STEAP1B: variants seen among roughly 807,000 people sequenced by gnomAD.
STEAP1B encodes STEAP family member 1B.
Under a neutral mutation model 27.9 loss-of-function variants are expected in STEAP1B, and 13 were observed. The ratio of observed to expected loss-of-function variants is 0.47; its 90% CI spans 0.30 to 0.74. The LOEUF (loss-of-function observed/expected upper bound fraction) is 0.74, where lower values mean the gene tolerates loss of function less well. Ranked by LOEUF, STEAP1B falls within the 30% of genes least tolerant of loss-of-function variation. The pLI is 0.06. For synonymous variants in STEAP1B, 86 were observed against 107.1 expected, an observed-to-expected ratio of 0.80 and a Z score of 1.22; for missense variants, 250 against 298.7, an observed-to-expected ratio of 0.84 and a Z score of 1.20.
intron 4 of STEAP1B, among the ~76,000 whole-genome samples, chr7:22,477,147 C>T (rs1166954850): frequency 2.0e-5 from 3 of 152,180 alleles, no homozygotes; most frequent in African/African-American, 7.2e-5. Context: ...ACTGGTGAGA[C>T]GCAAGTCATG....
At chr7:22,435,743 G>A (rs1045481972) in intron 4 of STEAP1B, among the ~76,000 whole-genome samples, 21 of 152,216 alleles carry the variant, frequency 1.4e-4, no homozygotes, top group African/African-American at 4.6e-4. Context: ...CGTGGGCAGA[G>A]AGGTAAAGAG....
At chr7:22,473,270 T>C (rs964308326) in intron 4 of STEAP1B, among the ~76,000 whole-genome samples, 5 of 152,122 alleles carry the variant, frequency 3.3e-5, no homozygotes, top group African/African-American at 1.2e-4. Context: ...CCTTTCTAGT[T>C]GATCAAGGAT....
intron 4 of STEAP1B, among the ~76,000 whole-genome samples, chr7:22,431,011 T>C (rs764293235): frequency 6.6e-6 from 1 of 152,240 alleles, no homozygotes; most frequent in Non-Finnish European, 1.5e-5. Context: ...CATCCTATGG[T>C]TCTCTGTCTT....
At chr7:22,426,350 T>G (rs1350042594) in intron 4 of STEAP1B, among the ~76,000 whole-genome samples, 2 of 151,638 alleles carry the variant, frequency 1.3e-5, no homozygotes, top group Non-Finnish European at 2.9e-5. Context: ...CAAAAAAAAA[T>G]GAAGTAAAAG....
At chr7:22,424,258 G>A (rs994112822) in intron 4 of STEAP1B, among the ~76,000 whole-genome samples, 3 of 152,028 alleles carry the variant, frequency 2.0e-5, no homozygotes, top group Non-Finnish European at 4.4e-5. Context: ...CTTGCCATAC[G>A]TAAGGCAAAA....
At chr7:22,470,204 TGGTGCA>T (rs1165321161) in intron 4 of STEAP1B, among the ~76,000 whole-genome samples, 1 of 152,134 alleles carries the variant, frequency 6.6e-6, no homozygotes, top group Admixed American at 6.6e-5. Context: ...GAGTATCTTG[TGGTGCA>T]GGAAGTAAAG....
At chr7:22,438,298 T>A (rs1218960378) in intron 4 of STEAP1B, 4 of 616,788 alleles carry the variant, frequency 6.5e-6, no homozygotes, top group Non-Finnish European at 1.1e-5. Flanking sequence ...ATGCTTGGTG[T>A]CCTATGCAGT....
intron 4 of STEAP1B, among the ~76,000 whole-genome samples, chr7:22,441,445 A>G (rs961646164): frequency 1.3e-5 from 2 of 152,220 alleles, no homozygotes; most frequent in African/African-American, 4.8e-5. Flanking sequence ...CCCCATTTAC[A>G]GATGAGAAAA....
At chr7:22,420,893 G>A (rs759249319) in intron 4 of STEAP1B, among the ~76,000 whole-genome samples, 1 of 152,220 alleles carries the variant, frequency 6.6e-6, no homozygotes, top group Admixed American at 6.5e-5. Flanking sequence ...AGAGAATAGG[G>A]AAATTATCCC....
At chr7:22,497,054 C>T (rs1347260436) in intron 1 of STEAP1B, among the ~76,000 whole-genome samples, 1 of 152,206 alleles carries the variant, frequency 6.6e-6, no homozygotes, top group Non-Finnish European at 1.5e-5. Context: ...TGCCCTTCCT[C>T]CCTCCAATGT....
At chr7:22,462,556 C>T (rs28661075) in intron 4 of STEAP1B, among the ~76,000 whole-genome samples, 2,262 of 139,580 alleles carry the variant, frequency 0.016, 79 homozygotes, top group African/African-American at 0.058. Flanking sequence ...ACAAAGGACA[C>T]GAACTCATCA....
intron 4 of STEAP1B, among the ~76,000 whole-genome samples, chr7:22,457,674 G>A (rs1785609805): frequency 6.6e-6 from 1 of 152,204 alleles, no homozygotes; most frequent in Non-Finnish European, 1.5e-5. Context: ...GCCTTCCTAA[G>A]TCACACTTTC....
intron 4 of STEAP1B, among the ~76,000 whole-genome samples, chr7:22,467,581 T>C (rs1042494465): frequency 2.0e-5 from 3 of 152,202 alleles, no homozygotes; most frequent in African/African-American, 7.2e-5. Context: ...TGGGGGCGAT[T>C]CCCCCCATAC....
chr7:22,433,642 G>A (rs1785218345), intron 4 of STEAP1B, among the ~76,000 whole-genome samples: 1 of 152,192 alleles, frequency 6.6e-6, no homozygotes, highest in African/African-American at 2.4e-5. Flanking sequence ...CTATTGGGCA[G>A]GAAAGATTGC....
chr7:22,440,318 T>C (rs1013001886), intron 4 of STEAP1B, among the ~76,000 whole-genome samples: 1 of 152,182 alleles, frequency 6.6e-6, no homozygotes, highest in Admixed American at 6.5e-5. Flanking sequence ...AAATGGAATA[T>C]AATTAAAAGT....
intron 4 of STEAP1B, among the ~76,000 whole-genome samples, chr7:22,482,360 G>A (rs183375906): frequency 6.6e-6 from 1 of 152,180 alleles, no homozygotes; most frequent in Non-Finnish European, 1.5e-5. Flanking sequence ...ATAATTCTTA[G>A]CACAAGTATG....
intron 4 of STEAP1B, among the ~76,000 whole-genome samples, chr7:22,451,860 G>C (rs1785496813): frequency 6.6e-6 from 1 of 152,178 alleles, no homozygotes; most frequent in Admixed American, 6.5e-5. Context: ...TTTTAAAAAT[G>C]TATCTTTGTC....
chr7:22,441,220 C>T (rs1008251487), intron 4 of STEAP1B, among the ~76,000 whole-genome samples: 5 of 152,104 alleles, frequency 3.3e-5, no homozygotes, highest in Non-Finnish European at 5.9e-5. Context: ...TCTCAAGTGT[C>T]CCAGGTTGGA....
intron 4 of STEAP1B, among the ~76,000 whole-genome samples, chr7:22,423,931 AG>A: frequency 6.6e-6 from 1 of 152,266 alleles, no homozygotes. Context: ...TAGGAGACTG[AG>A]GTGGGAAGAT....
Sources: gnomAD v4.1 joint callset for allele counts (sites outside exome capture counted in the v4.1 genomes callset) on GRCh38, gnomAD v4.1.1 for gene constraint, MANE v1.5 for transcripts, NCBI Gene and HGNC (gene_info 2026-07-23, HGNC 2026-07-21) for gene names.